SAMD12: variants seen among roughly 807,000 people sequenced by gnomAD.
The protein encoded by SAMD12 is sterile alpha motif domain-containing protein 12.
SAMD12 carries 9 observed loss-of-function variants against 15.0 expected under a neutral mutation model. The ratio of observed to expected loss-of-function variants is 0.60; its 90% CI spans 0.36 to 1.05. The LOEUF (loss-of-function observed/expected upper bound fraction) is 1.05, where lower values mean the gene tolerates loss of function less well. SAMD12 is among the 50% of genes least tolerant of loss of function. The pLI, the probability that SAMD12 is intolerant of heterozygous loss-of-function variation, is 0.01. For synonymous variants in SAMD12, 86 were observed against 90.1 expected (o/e 0.96, Z 0.25); for missense variants, 230 against 234.2 (o/e 0.98, Z 0.12).
At chr8:118,366,889 T>G (rs1428953135) in intron 4 of SAMD12, among the ~76,000 whole-genome samples, 1 of 89,454 alleles carries the variant, frequency 1.1e-5, no homozygotes, top group Non-Finnish European at 2.4e-5. Flanking sequence ...AATAATAAAA[T>G]AAAATAAAAT....
chr8:118,581,168 G>A (rs1231108681), intron 1 of SAMD12, among the ~76,000 whole-genome samples: 1 of 152,150 alleles, frequency 6.6e-6, no homozygotes, highest in African/African-American at 2.4e-5. Flanking sequence ...TGTTACAGAT[G>A]AGAATACCAA....
chr8:118,446,346 G>A (rs1215022679), intron 2 of SAMD12, among the ~76,000 whole-genome samples: 1 of 152,048 alleles, frequency 6.6e-6, no homozygotes, highest in Non-Finnish European at 1.5e-5. Context: ...ACTCTCAGTA[G>A]TTAGTGGGTT....
downstream of SAMD12, among the ~76,000 whole-genome samples, chr8:118,184,995 T>TA (rs1356794755): frequency 6.6e-6 from 1 of 151,898 alleles, no homozygotes; most frequent in Non-Finnish European, 1.5e-5. Context: ...GCTTAACCAA[T>TA]AAAAAAATCA....
At chr8:118,599,999 T>C (rs1827821523) in intron 1 of SAMD12, among the ~76,000 whole-genome samples, 1 of 152,146 alleles carries the variant, frequency 6.6e-6, no homozygotes. Flanking sequence ...GATCGCCTCT[T>C]TTTACTTAGG....
At chr8:118,372,201 G>A (rs1021131717) in intron 4 of SAMD12, among the ~76,000 whole-genome samples, 1 of 152,134 alleles carries the variant, frequency 6.6e-6, no homozygotes, top group Non-Finnish European at 1.5e-5. Context: ...TCAGGAGCAA[G>A]AAGATTCTCT....
chr8:118,531,720 T>A (rs890309242), intron 2 of SAMD12, among the ~76,000 whole-genome samples: 1 of 152,168 alleles, frequency 6.6e-6, no homozygotes, highest in Non-Finnish European at 1.5e-5. Context: ...ATGATTTGGC[T>A]CTCTGTTTGT....
chr8:118,186,785 T>C (rs1379760935), downstream of SAMD12, among the ~76,000 whole-genome samples: 1 of 152,112 alleles, frequency 6.6e-6, no homozygotes, highest in Non-Finnish European at 1.5e-5. Flanking sequence ...GAAAGTTATA[T>C]GGAAAAGGGT....
the SAMD12 span, among the ~76,000 whole-genome samples, chr8:118,166,201 G>A: frequency 1.3e-5 from 2 of 152,076 alleles, no homozygotes; most frequent in Admixed American, 6.6e-5. Context: ...ATGGATATAA[G>A]GGGTCTATAA....
At chr8:118,598,962 G>A (rs1055834902) in intron 1 of SAMD12, among the ~76,000 whole-genome samples, 6 of 152,162 alleles carry the variant, frequency 3.9e-5, no homozygotes, top group African/African-American at 7.2e-5. Flanking sequence ...CAAACTGTGC[G>A]ATCTCTGTCT....
At chr8:118,370,851 G>C (rs1241478699) in intron 4 of SAMD12, among the ~76,000 whole-genome samples, 3 of 152,126 alleles carry the variant, frequency 2.0e-5, no homozygotes, top group African/African-American at 7.2e-5. Flanking sequence ...TAATACCTAA[G>C]TGATGGGTTG....
chr8:118,435,656 A>C (rs1402298318), intron 3 of SAMD12, among the ~76,000 whole-genome samples: 1 of 152,250 alleles, frequency 6.6e-6, no homozygotes, highest in Non-Finnish European at 1.5e-5. Flanking sequence ...TTAGAATTTA[A>C]AGTTCTTCAA....
At chr8:118,342,700 T>G (rs1169158051) in intron 4 of SAMD12, among the ~76,000 whole-genome samples, 1 of 152,230 alleles carries the variant, frequency 6.6e-6, no homozygotes, top group African/African-American at 2.4e-5. Context: ...TTAGTAGTTC[T>G]CAAATGCTAG....
At chr8:118,348,562 C>T (rs1563783460) in intron 4 of SAMD12, among the ~76,000 whole-genome samples, 1 of 152,028 alleles carries the variant, frequency 6.6e-6, no homozygotes, top group Non-Finnish European at 1.5e-5. Context: ...TTAGTAGAGA[C>T]GGGGTTTCAC....
chr8:118,382,703 T>C (rs1819736253), intron 3 of SAMD12, among the ~76,000 whole-genome samples: 1 of 152,196 alleles, frequency 6.6e-6, no homozygotes, highest in Admixed American at 6.5e-5. Context: ...GGAAGAGAAA[T>C]TGAGAAGTTA....
chr8:118,192,618 C>T (rs3802183), exon 5 of SAMD12: 1 of 142,916 alleles, frequency 7.0e-6, no homozygotes, highest in East Asian at 1.9e-4. Flanking sequence ...AAATAACCAA[C>T]CAACCAAACA....
In SAMD12 at chr8:118,553,296, A is replaced by G. The variant is rs951719127; in HGVS notation, c.192+27419T>C. ...ACTTCAAACTATACTACAAGGCTAC[A>G]GTAACCAAAACAGCATGGTACTGGT... On this transcript the variant is annotated intron_variant, in intron 2 of 3. Transcript: ENST00000314727. 1.1e-3 allele frequency among the ~76,000 whole-genome samples: 173 copies of G among 152,332 alleles called. 1 individual carries two copies. The highest frequency in any genetic ancestry group is 3.6e-3 in the African/African-American group (148 of 41,572).
In SAMD12 at chr8:118,621,912, T is replaced by C. The variant is rs1377464567; in HGVS notation, c.-96A>G. 3 of 1,375,772 alleles carry C rather than the reference T, an allele frequency of 2.2e-6. No homozygotes were observed. Among genetic ancestry groups the C allele is most frequent in the East Asian group, 2.3e-5 (1 of 43,714 alleles). The allele number at this position is 1,375,772 out of a possible 1,614,324, so 85.2% of individuals were successfully genotyped here. On this transcript the variant is annotated 5_prime_UTR_variant, in exon 1 of 4. Coordinates refer to ENST00000314727, the MANE Select transcript of SAMD12 (RefSeq NM_207506.3). ...CTTCCTCTCGCTTTCGCCTAAATAT[T>C]CTGCGCTTATCTGCTCCAGGACCAA...
At chr8:118,228,941 G>A (rs1172343882) in intron 4 of SAMD12, among the ~76,000 whole-genome samples, 1 of 152,144 alleles carries the variant, frequency 6.6e-6, no homozygotes, top group Non-Finnish European at 1.5e-5. Flanking sequence ...TATGTACGGT[G>A]GAATACTACT....
intron 4 of SAMD12, among the ~76,000 whole-genome samples, chr8:118,209,174 G>T (rs2129809218): frequency 6.6e-6 from 1 of 152,244 alleles, no homozygotes; most frequent in Middle Eastern, 3.4e-3. Flanking sequence ...CTTGCCCTTT[G>T]GTCTGGAACA....
Sources: gnomAD v4.1 joint callset for allele counts (sites outside exome capture counted in the v4.1 genomes callset) on GRCh38, gnomAD v4.1.1 for gene constraint, MANE v1.5 for transcripts, NCBI Gene and HGNC (gene_info 2026-07-23, HGNC 2026-07-21) for gene names.